KIF16B: variants seen among roughly 807,000 people sequenced by gnomAD.
The protein encoded by KIF16B is kinesin-like protein KIF16B.
In KIF16B, 98 loss-of-function variants were observed where a neutral mutation model predicts 156.3. That is an observed-to-expected ratio of 0.63 (90% CI 0.53 to 0.74). The LOEUF (loss-of-function observed/expected upper bound fraction) is 0.74, where lower values mean the gene tolerates loss of function less well. Among genes scored for constraint, KIF16B ranks in the 30% least tolerant of loss-of-function variants. The probability of loss-of-function intolerance (pLI) is 0.00; values close to 1 mark genes in which losing one functional copy is unlikely to be tolerated. For missense variants in KIF16B, 1,421 were observed against 1,606.5 expected, an observed-to-expected ratio of 0.88 and a Z score of 1.97; for synonymous variants, 564 against 583.7, an observed-to-expected ratio of 0.97 and a Z score of 0.49.
chr20:16,428,873 T>C (rs2066425896), intron 14 of KIF16B, 80 bp downstream of exon 14: 23 of 1,113,004 alleles, frequency 2.1e-5, no homozygotes, highest in Non-Finnish European at 2.8e-5. Context: ...ATTACTTCAA[T>C]GTCAGTCATT....
At chr20:16,338,724 C>G (rs143066209) in intron 23 of KIF16B, among the ~76,000 whole-genome samples, 1 of 152,180 alleles carries the variant, frequency 6.6e-6, no homozygotes, top group Non-Finnish European at 1.5e-5. Flanking sequence ...AGGAATAACA[C>G]GCCACCAAAC....
chr20:16,328,476 G>A (rs867119422), intron 24 of KIF16B, among the ~76,000 whole-genome samples: 4 of 152,184 alleles, frequency 2.6e-5, no homozygotes, highest in African/African-American at 9.6e-5. Context: ...TACATGAAAT[G>A]TCTCATTTTC....
At chr20:16,414,432 C>T (rs6105597) in intron 15 of KIF16B, among the ~76,000 whole-genome samples, 4,846 of 152,190 alleles carry the variant, frequency 0.032, 250 homozygotes, top group African/African-American at 0.11. Context: ...CAAAAAGCTA[C>T]GTTGACCTTG....
At chr20:16,514,968 G>A (rs1026706486) in intron 4 of KIF16B, among the ~76,000 whole-genome samples, 2 of 149,566 alleles carry the variant, frequency 1.3e-5, no homozygotes, top group African/African-American at 4.9e-5. Flanking sequence ...GAAAGTTCTT[G>A]CAATAATTCC....
intron 7 of KIF16B, 149 bp downstream of exon 7, chr20:16,507,809 C>T: frequency 1.3e-6 from 1 of 758,652 alleles, no homozygotes; most frequent in Admixed American, 2.7e-5. Context: ...GCGCACAGCA[C>T]ATGTTCAACT....
chr20:16,508,978 C>A (rs1395567567), intron 6 of KIF16B, among the ~76,000 whole-genome samples: 1 of 152,182 alleles, frequency 6.6e-6, no homozygotes, highest in Non-Finnish European at 1.5e-5. Flanking sequence ...CTCCCCACTT[C>A]CCCTTCTGTC....
At chr20:16,546,237 A>T (rs1457546185) in intron 1 of KIF16B, among the ~76,000 whole-genome samples, 1 of 152,180 alleles carries the variant, frequency 6.6e-6, no homozygotes, top group East Asian at 1.9e-4. Context: ...AACTTTGCTA[A>T]GCCATGGTGT....
chr20:16,457,781 A>C (rs1367812282), intron 12 of KIF16B, among the ~76,000 whole-genome samples: 1 of 152,142 alleles, frequency 6.6e-6, no homozygotes, highest in Admixed American at 6.5e-5. Context: ...GACATCCACA[A>C]GGACTTGAAA....
At chr20:16,501,992 G>A (rs1284653523) in intron 10 of KIF16B, among the ~76,000 whole-genome samples, 1 of 152,032 alleles carries the variant, frequency 6.6e-6, no homozygotes, top group East Asian at 1.9e-4. Flanking sequence ...TTGCAATTTT[G>A]GGGGATAATA....
chr20:16,475,262 A>G (rs2067777383), intron 12 of KIF16B, among the ~76,000 whole-genome samples: 2 of 152,186 alleles, frequency 1.3e-5, no homozygotes, highest in South Asian at 4.1e-4. Context: ...TTCACAAAGA[A>G]CTCATTTTAT....
intron 1 of KIF16B, among the ~76,000 whole-genome samples, chr20:16,564,892 C>G (rs968483743): frequency 2.0e-5 from 3 of 152,018 alleles, no homozygotes; most frequent in African/African-American, 7.2e-5. Context: ...TGTGCAGCCT[C>G]TCACACTGGC....
At chr20:16,485,995 T>C (rs181863033) in intron 12 of KIF16B, among the ~76,000 whole-genome samples, 104 of 152,316 alleles carry the variant, frequency 6.8e-4, no homozygotes, top group African/African-American at 2.4e-3. Context: ...ATTTATTTTA[T>C]ATAATCTCAA....
At chr20:16,469,833 A>T (rs982808052) in intron 12 of KIF16B, among the ~76,000 whole-genome samples, 2 of 152,134 alleles carry the variant, frequency 1.3e-5, no homozygotes, top group African/African-American at 2.4e-5. Flanking sequence ...TATTTATGCA[A>T]ATGAGCTGAA....
Position 16,381,760 on chromosome 20 carries a change from A to C in KIF16B, c.1785-13T>G, listed in dbSNP as rs375114787. The C allele has an allele frequency of 6.2e-7, 1 of 1,603,498 alleles. No homozygotes were observed. The highest frequency in any genetic ancestry group is 1.3e-5 in the African/African-American group (1 of 74,734). The stretch of plus-strand genomic sequence containing the variant: ...CTCAAATTCAAGTCTAATAAAATCA[A>C]ATGAAAATGAGTCACTTTTCTAAAG... On this transcript the variant is annotated splice_polypyrimidine_tract_variant and intron_variant, in intron 17 of 25. Transcript: ENST00000354981.
chr20:16,317,043 C>T (rs1019210249), intron 24 of KIF16B, among the ~76,000 whole-genome samples: 18 of 152,292 alleles, frequency 1.2e-4, no homozygotes, highest in Admixed American at 7.8e-4. Flanking sequence ...CTACTCATGT[C>T]CCCCACACAC....
chr20:16,568,134 A>T (rs1411264941), intron 1 of KIF16B, among the ~76,000 whole-genome samples: 1 of 152,088 alleles, frequency 6.6e-6, no homozygotes, highest in African/African-American at 2.4e-5. Flanking sequence ...AAAGATATCA[A>T]ATCCAGGCAA....
At chr20:16,349,326 T>C (rs1437922595) in intron 23 of KIF16B, among the ~76,000 whole-genome samples, 1 of 152,180 alleles carries the variant, frequency 6.6e-6, no homozygotes, top group East Asian at 1.9e-4. Context: ...TTTTGAATGC[T>C]CTGTGAGCCT....
chr20:16,441,242 G>T (rs1321987744), intron 12 of KIF16B, among the ~76,000 whole-genome samples: 1 of 152,120 alleles, frequency 6.6e-6, no homozygotes. Context: ...TTACACTTTG[G>T]TCTTGTAAAG....
intron 24 of KIF16B, among the ~76,000 whole-genome samples, chr20:16,332,681 A>G (rs1329772784): frequency 1.3e-5 from 2 of 152,182 alleles, no homozygotes; most frequent in African/African-American, 4.8e-5. Flanking sequence ...GTCGCCTATG[A>G]ATAGAAATGG....
Sources: gnomAD v4.1 joint callset for allele counts (sites outside exome capture counted in the v4.1 genomes callset) on GRCh38, gnomAD v4.1.1 for gene constraint, MANE v1.5 for transcripts, NCBI Gene and HGNC (gene_info 2026-07-23, HGNC 2026-07-21) for gene names.